The following PRIM2 variants were observed in gnomAD, a reference collection of about 807,000 sequenced individuals.
PRIM2 encodes the protein DNA primase large subunit.
A neutral mutation model predicts 67.3 loss-of-function variants in PRIM2; 39 were observed. The ratio of observed to expected loss-of-function variants is 0.58; its 90% CI spans 0.45 to 0.76. PRIM2 has a LOEUF of 0.76. PRIM2 is among the 30% of genes least tolerant of loss of function. The pLI is 0.00. For missense variants in PRIM2, 398 were observed against 598.7 expected (o/e 0.66, Z 3.50); for synonymous variants, 143 against 198.7 (o/e 0.72, Z 2.36).
chr6:57,625,562 G>T (rs1343684340), intron 12 of PRIM2, among the ~76,000 whole-genome samples: 8 of 152,124 alleles, frequency 5.3e-5, no homozygotes, highest in African/African-American at 1.9e-4. Context: ...GCCATGCCAG[G>T]ATTAGATTTG....
At chr6:57,297,044 C>T in the PRIM2 span, among the ~76,000 whole-genome samples, 1 of 151,970 alleles carries the variant, frequency 6.6e-6, no homozygotes, top group African/African-American at 2.4e-5. Context: ...TTCACTGATA[C>T]AAACAATTGA....
intron 7 of PRIM2, among the ~76,000 whole-genome samples, chr6:57,506,938 A>G (rs1774262741): frequency 6.6e-6 from 1 of 152,176 alleles, no homozygotes. Context: ...ACACTTCTGT[A>G]TGTAACCAGT....
Position 57,621,990 on chromosome 6 carries a change from G to A in PRIM2, c.1231-10143G>A, listed in dbSNP as rs1470169184. On this transcript the variant is annotated intron_variant, in intron 12 of 13. Coordinates refer to ENST00000615550, the MANE Select transcript of PRIM2 (RefSeq NM_000947.5). The stretch of plus-strand genomic sequence containing the variant: ...TTTTGAGATGGAGTCTCACTCTGTC[G>A]CCCAGGCTGGAGCGCAGTGGCATGA... Among the ~76,000 whole-genome samples, 139 of 151,190 alleles carry A rather than the reference G, an allele frequency of 9.2e-4. 1 individual carries two copies. The Middle Eastern group carries it at 0.024, about 26-fold the overall frequency.
intron 10 of PRIM2, among the ~76,000 whole-genome samples, chr6:57,564,914 T>C (rs1312400608): frequency 9.2e-5 from 14 of 152,248 alleles, no homozygotes; most frequent in Admixed American, 7.2e-4. Flanking sequence ...CCATCAACAA[T>C]GTTTAAACAA....
rs1232932730 is a variant in PRIM2, at chr6:57,539,612, T to TTGTG, written c.1020+2029_1020+2032dup. Reference sequence around the variant, plus strand: ...TCAATTATAGTTTTGATTATATTCTTTGTGTGTGTGTGTGTGTGTGTGTGT... The same window carrying TTGTG: ...TCAATTATAGTTTTGATTATATTCTTTGTGTGTGTGTGTGTGTGTGTGTGTGTGT... On this transcript the variant is annotated intron_variant, in intron 10 of 13. Coordinates refer to ENST00000615550, the MANE Select transcript of PRIM2 (RefSeq NM_000947.5). Among the ~76,000 whole-genome samples the TTGTG allele has an allele frequency of 1.2e-3, 153 of 129,332 alleles. 1 individual carries two copies. In the South Asian group the frequency reaches 0.015, roughly 13 times the overall value. 84.8% of individuals were successfully genotyped at this position (129,332 alleles called of 152,430 possible).
At chr6:57,457,136 C>T (rs113383743) in intron 7 of PRIM2, among the ~76,000 whole-genome samples, 3 of 121,908 alleles carry the variant, frequency 2.5e-5, no homozygotes, top group Non-Finnish European at 5.3e-5. Flanking sequence ...CCTGCCTGAT[C>T]GTTCCTCTGG....
chr6:57,359,970 A>C (rs1429299057), intron 5 of PRIM2, among the ~76,000 whole-genome samples: 5 of 152,228 alleles, frequency 3.3e-5, no homozygotes, highest in African/African-American at 4.8e-5. Flanking sequence ...TCTTCCAAAG[A>C]CAGCTTTATT....
At chr6:57,419,267 G>A (rs1771382604) in intron 7 of PRIM2, among the ~76,000 whole-genome samples, 1 of 152,080 alleles carries the variant, frequency 6.6e-6, no homozygotes, top group Admixed American at 6.5e-5. Context: ...TGGAGAATGG[G>A]GTGGTTAGAC....
the PRIM2 span, among the ~76,000 whole-genome samples, chr6:57,252,384 T>C: frequency 6.6e-6 from 1 of 152,234 alleles, no homozygotes; most frequent in Non-Finnish European, 1.5e-5. Context: ...ATTTCCAAGA[T>C]CACACAGCTA....
At chr6:57,524,065 G>A (rs1456865388) in intron 8 of PRIM2, among the ~76,000 whole-genome samples, 1 of 152,076 alleles carries the variant, frequency 6.6e-6, no homozygotes, top group Non-Finnish European at 1.5e-5. Context: ...GTGTGGATGT[G>A]ATTAATTATG....
the PRIM2 span, among the ~76,000 whole-genome samples, chr6:57,291,228 G>A: frequency 6.6e-6 from 1 of 152,150 alleles, no homozygotes; most frequent in African/African-American, 2.4e-5. Context: ...ACACCTCCAT[G>A]TAAATAAACT....
the PRIM2 span, among the ~76,000 whole-genome samples, chr6:57,272,733 AC>A: frequency 3.3e-5 from 5 of 152,132 alleles, no homozygotes; most frequent in Non-Finnish European, 4.4e-5. Context: ...GGGGGCCTTT[AC>A]AATTTGGCAT....
chr6:57,436,992 A>T (rs112605579), intron 7 of PRIM2, among the ~76,000 whole-genome samples: 14,816 of 152,216 alleles, frequency 0.097, 972 homozygotes, highest in South Asian at 0.17. Flanking sequence ...GGTAATTTAT[A>T]AAGAAAAGAG....
intron 10 of PRIM2, among the ~76,000 whole-genome samples, chr6:57,551,921 G>T (rs1220820134): frequency 2.0e-5 from 3 of 152,302 alleles, no homozygotes; most frequent in East Asian, 1.9e-4. Flanking sequence ...CATTTTTCTT[G>T]TCATATCTTA....
chr6:57,406,448 G>GA (rs1770894133), intron 7 of PRIM2, among the ~76,000 whole-genome samples: 1 of 152,148 alleles, frequency 6.6e-6, no homozygotes, highest in South Asian at 2.1e-4. Context: ...TCTCAGAAAT[G>GA]AAAATCTTAA....
chr6:57,337,668 C>G (rs1478633615), intron 5 of PRIM2, among the ~76,000 whole-genome samples: 10 of 152,096 alleles, frequency 6.6e-5, no homozygotes, highest in Non-Finnish European at 2.9e-5. Flanking sequence ...CCAACGAGAA[C>G]AAAGACACAA....
At chr6:57,446,101 T>G (rs1772354711) in intron 7 of PRIM2, among the ~76,000 whole-genome samples, 1 of 152,232 alleles carries the variant, frequency 6.6e-6, no homozygotes, top group Admixed American at 6.5e-5. Flanking sequence ...GAGTAAATAC[T>G]TCCTCAGAGC....
chr6:57,453,536 C>T (rs1208565421), intron 7 of PRIM2, among the ~76,000 whole-genome samples: 1 of 152,046 alleles, frequency 6.6e-6, no homozygotes, highest in Admixed American at 6.6e-5. Flanking sequence ...GTATTTTATT[C>T]TCTTTGAAGC....
At chr6:57,232,327 C>T in the PRIM2 span, among the ~76,000 whole-genome samples, 11 of 152,130 alleles carry the variant, frequency 7.2e-5, no homozygotes, top group African/African-American at 2.4e-4. Flanking sequence ...CCGAAGCAGG[C>T]GGATCATGAG....
Sources: allele counts gnomAD v4.1 joint callset (sites outside exome capture counted in the v4.1 genomes callset), GRCh38; gene constraint gnomAD v4.1.1; transcripts MANE v1.5; gene names NCBI Gene and HGNC (gene_info 2026-07-23, HGNC 2026-07-21).